HECTD4: variants seen among roughly 807,000 people sequenced by gnomAD.
HECTD4 encodes the protein probable E3 ubiquitin-protein ligase HECTD4.
In HECTD4, 114 loss-of-function variants were observed where a neutral mutation model predicts 471.5. That is an observed-to-expected ratio of 0.24 (90% CI 0.21 to 0.28). The LOEUF is 0.28. Ranked by LOEUF, HECTD4 falls within the 10% of genes least tolerant of loss-of-function variation. The pLI, the probability that HECTD4 is intolerant of heterozygous loss-of-function variation, is 1.00. For synonymous variants in HECTD4, 2,012 were observed against 2,256.0 expected, an observed-to-expected ratio of 0.89 and a Z score of 3.07; for missense variants, 3,866 against 5,651.5, an observed-to-expected ratio of 0.68 and a Z score of 10.13.
intron 16 of HECTD4, 36 bp from the exon 17 acceptor site, chr12:112,264,248 T>C: frequency 6.7e-7 from 1 of 1,481,726 alleles, no homozygotes; most frequent in Non-Finnish European, 9.0e-7. Context: ...ATGATCTAAA[T>C]CCTACTGAAA....
At chr12:112,251,587 G>A (rs2033889196) in intron 23 of HECTD4, among the ~76,000 whole-genome samples, 1 of 152,202 alleles carries the variant, frequency 6.6e-6, no homozygotes, top group Admixed American at 6.5e-5. Context: ...CTAGGTGCCT[G>A]AGATACATCA....
In HECTD4 at chr12:112,190,877, C is replaced by A; in HGVS notation, c.9381G>T (p.Leu3127=). The change falls in exon 60 of 76, where the codon CTG becomes CTT. Residue 3127 remains leucine, a synonymous_variant. Coordinates refer to ENST00000682272, the MANE Select transcript of HECTD4 (RefSeq NM_001388303.1). ...CTTCACTGTCCTCTGATTTCCAGGA[C>A]AGCAGCTGCTCTGCGAAGGCCATAG... ...PLAMAFAEQL[L]SWKSEDSEGK... is the part of the protein sequence containing the mutation. 1 of 1,579,596 alleles carries A rather than the reference C, an allele frequency of 6.3e-7. No homozygotes were observed. Among genetic ancestry groups the A allele is most frequent in the Non-Finnish European group, 8.6e-7 (1 of 1,162,874 alleles).
chr12:112,194,936 G>A lies in HECTD4; in HGVS notation c.8698C>T (p.Leu2900=). The change falls in exon 56 of 76, where the codon CTG becomes TTG. Residue 2900 remains leucine (L), a synonymous_variant. Coordinates refer to ENST00000682272, the MANE Select transcript of HECTD4 (RefSeq NM_001388303.1). This position sits in a 1 kb window ranked among gnomAD's most constrained non-coding sequence, Gnocchi z 4.6. The part of the protein sequence containing the change: ...FHIPAIRDIT[L]EHLQLLSNQL... ...TTGGACAGCAGTTGCAGGTGCTCCAGGGTAATGTCCCGGATGGCAGGGATG... is the reference window on the plus strand; with the variant it reads ...TTGGACAGCAGTTGCAGGTGCTCCAAGGTAATGTCCCGGATGGCAGGGATG... 6.2e-7 allele frequency: 1 copy of A among 1,609,960 alleles called. No individual in the cohort carries two copies. Among genetic ancestry groups the A allele is most frequent in the Non-Finnish European group, 8.5e-7 (1 of 1,178,270 alleles).
rs1265671897 is a variant in HECTD4, at chr12:112,188,941, G to A, written c.9472+1845C>T. On this transcript the variant is annotated intron_variant, in intron 60 of 75. Transcript: ENST00000682272. The surrounding 1 kb of genome is among the most constrained non-coding windows in gnomAD (Gnocchi z 4.2). ...CATTCATGTAAGACGACCTTGGAGAGAATTCTTCACCAAAATTGCACATGA... is the reference window on the plus strand; with the variant it reads ...CATTCATGTAAGACGACCTTGGAGAAAATTCTTCACCAAAATTGCACATGA... Among the ~76,000 whole-genome samples the A allele has an allele frequency of 6.6e-6, 1 of 152,218 alleles. No individual in the cohort carries two copies. Among genetic ancestry groups the A allele is most frequent in the African/African-American group, 2.4e-5 (1 of 41,454 alleles).
intron 11 of HECTD4, 141 bp from the exon 12 acceptor site, chr12:112,270,600 C>T (rs1244616286): frequency 1.7e-5 from 12 of 702,090 alleles, no homozygotes; most frequent in South Asian, 3.6e-5. Flanking sequence ...TGCCAGAGAA[C>T]GCTTCTCCCT....
intron 9 of HECTD4, 112 bp from the exon 10 acceptor site, chr12:112,275,072 T>C: frequency 1.5e-6 from 1 of 652,506 alleles, no homozygotes; most frequent in Non-Finnish European, 2.6e-6. Flanking sequence ...CTTGTTGTTG[T>C]GTATTGGTGG....
At position 112,217,128 on chromosome 12, in the gene HECTD4, T is replaced by C; in HGVS notation, c.7142A>G (p.His2381Arg). ...AGCCAGGAAGGTGACTGAGGTAAGG[T>C]GAGATGAGAACATGCAGGCTCGAAC... The part of the protein sequence containing the change: ...PPVRACMFSS[H>R]LTSVTFLADP... Residue 2381 changes from histidine (H) to arginine (R), a missense_variant, in exon 46 of 76, where the codon CAC becomes CGC. By Grantham distance (29) the His-to-Arg change is conservative. Transcript: ENST00000682272. 4 of 1,590,850 alleles carry C rather than the reference T, an allele frequency of 2.5e-6. No individual in the cohort carries two copies. Among genetic ancestry groups the C allele is most frequent in the Non-Finnish European group, 3.4e-6 (4 of 1,168,774 alleles).
intron 1 of HECTD4, among the ~76,000 whole-genome samples, chr12:112,336,499 G>A (rs2035961188): frequency 6.6e-6 from 1 of 151,332 alleles, no homozygotes; most frequent in Non-Finnish European, 1.5e-5. Context: ...CTCCAACCTG[G>A]GCAACAGAGC....
At chr12:112,366,984 G>A (rs774882788) in intron 1 of HECTD4, among the ~76,000 whole-genome samples, 3 of 149,926 alleles carry the variant, frequency 2.0e-5, no homozygotes, top group Non-Finnish European at 3.0e-5. Flanking sequence ...ACTTGGGTTT[G>A]TTGACTGCCT....
At chr12:112,343,409 G>C (rs1299356194) in intron 1 of HECTD4, among the ~76,000 whole-genome samples, 1 of 152,184 alleles carries the variant, frequency 6.6e-6, no homozygotes, top group African/African-American at 2.4e-5. Flanking sequence ...GTACAAAGCA[G>C]TAATATGCAC....
intron 39 of HECTD4, 147 bp from the exon 40 acceptor site, chr12:112,230,969 A>C: frequency 1.5e-6 from 1 of 685,536 alleles, no homozygotes; most frequent in Non-Finnish European, 2.4e-6. Flanking sequence ...AAGAAGCTAC[A>C]TTATCATTAG....
chr12:112,364,316 AG>A (rs1441110738), intron 1 of HECTD4, among the ~76,000 whole-genome samples: 1 of 151,628 alleles, frequency 6.6e-6, no homozygotes, highest in Non-Finnish European at 1.5e-5. Flanking sequence ...CTGAGGCAGG[AG>A]AATCACTTGA....
At chr12:112,330,859 TAAGAACCTTTTAATTAGATG>T (rs1356263354) in intron 1 of HECTD4, among the ~76,000 whole-genome samples, 2 of 152,182 alleles carry the variant, frequency 1.3e-5, no homozygotes, top group East Asian at 3.8e-4. Context: ...CTCTTCCACA[TAAGAACCTTTTAATTAGATG>T]AAGAAAATAC....
rs760782377 is a variant in HECTD4, at chr12:112,259,157, A to G, written c.2982T>C (p.Asp994=). The part of the protein sequence containing the change: ...HPNLQTLIMA[D]ALMPQLVQLV... ...GCTGCACTAGCTGAGGCATCAGGGCATCCGCCATGATCAGAGTCTGTAAAT... is the reference window on the plus strand; with the variant it reads ...GCTGCACTAGCTGAGGCATCAGGGCGTCCGCCATGATCAGAGTCTGTAAAT... The change falls in exon 19 of 76, where the codon GAT becomes GAC. Residue 994 remains aspartate, a synonymous_variant. Coordinates refer to ENST00000682272, the MANE Select transcript of HECTD4 (RefSeq NM_001388303.1). The G allele has an allele frequency of 8.7e-6, 14 of 1,613,878 alleles. No homozygotes were observed. Among genetic ancestry groups the G allele is most frequent in the Non-Finnish European group, 1.2e-5 (14 of 1,179,798 alleles).
In HECTD4 at chr12:112,228,716, A is replaced by G. The variant is rs764013940; in HGVS notation, c.6615T>C (p.Cys2205=). 5.0e-6 allele frequency: 8 copies of G among 1,613,672 alleles called. No individual in the cohort carries two copies. The highest frequency in any genetic ancestry group is 6.8e-6 in the Non-Finnish European group (8 of 1,179,768). Residue 2205 remains cysteine, a synonymous_variant, in exon 42 of 76, where the codon TGT becomes TGC. Coordinates refer to ENST00000682272, the MANE Select transcript of HECTD4 (RefSeq NM_001388303.1). This position sits in a 1 kb window ranked among gnomAD's most constrained non-coding sequence, Gnocchi z 4.9. ...IATVRFPPID[C]RKTSQASDTL... is the part of the protein sequence containing the mutation. Reference sequence around the variant, plus strand: ...TGTCTGACGCTTGCGAAGTCTTTCTACAGTCTATGGGTGGGAATCTGACTG... The same window carrying G: ...TGTCTGACGCTTGCGAAGTCTTTCTGCAGTCTATGGGTGGGAATCTGACTG...
In HECTD4 at chr12:112,163,646, C is replaced by T. The variant is rs1474065479; in HGVS notation, c.12793G>A (p.Gly4265Ser). 3.2e-6 allele frequency: 5 copies of T among 1,540,666 alleles called. No individual in the cohort carries two copies. The highest frequency in any genetic ancestry group is 2.5e-5 in the East Asian group (1 of 40,502). The change falls in exon 74 of 76, where the codon GGC (glycine) becomes AGC (serine). Residue 4265 changes from glycine to serine, a missense_variant. Physicochemically the swap from Gly to Ser is moderately conservative, Grantham distance 56. Coordinates refer to ENST00000682272, the MANE Select transcript of HECTD4 (RefSeq NM_001388303.1). This position sits in a 1 kb window ranked among gnomAD's most constrained non-coding sequence, Gnocchi z 8.2. ...TGCAGGGGGATGATGGAGCCCAGGC[C>T]GGCCCGCACGGCCGTCACGCACTCC... is the stretch of plus-strand genomic sequence containing the variant. ...NVECVTAVRA[G>S]LGSIIPLQLL...
Position 112,179,346 on chromosome 12 carries a change from C to T in HECTD4, c.11039G>A (p.Ser3680Asn), listed in dbSNP as rs2031577967. The change falls in exon 63 of 76, where the codon AGT (serine) becomes AAT (asparagine). Residue 3680 changes from serine to asparagine, a missense_variant. Physicochemically the swap from Ser to Asn is conservative, Grantham distance 46. Around this residue, in one of 16 missense-constraint regions of HECTD4, gnomAD observed 715 missense variants for 1,087.6 expected, o/e 0.66. Coordinates refer to ENST00000682272, the MANE Select transcript of HECTD4 (RefSeq NM_001388303.1). This position sits in a 1 kb window ranked among gnomAD's most constrained non-coding sequence, Gnocchi z 4.3. ...AREVLTEIFKSCAHSEQTLSL... is the reference protein window; with the variant it reads ...AREVLTEIFKNCAHSEQTLSL... ...CAGCGTCTGCTCTGAATGGGCACAA[C>T]TCTTAAATATCTCCGTCAGAACCTC... 1 of 1,613,238 alleles carries T rather than the reference C, an allele frequency of 6.2e-7. No homozygotes were observed.
intron 11 of HECTD4, among the ~76,000 whole-genome samples, chr12:112,272,950 T>C (rs1448462041): frequency 6.6e-6 from 1 of 152,170 alleles, no homozygotes; most frequent in African/African-American, 2.4e-5. Flanking sequence ...GTGGTCAGCA[T>C]AGTAATTCTC....
At chr12:112,300,569 C>A (rs954445230) in intron 7 of HECTD4, among the ~76,000 whole-genome samples, 3 of 152,152 alleles carry the variant, frequency 2.0e-5, no homozygotes, top group African/African-American at 7.2e-5. Context: ...CAGATACCAA[C>A]GTCCTTCAGT....
Sources: gnomAD v4.1 joint callset for allele counts (sites outside exome capture counted in the v4.1 genomes callset) on GRCh38, gnomAD v4.1.1 for gene constraint, gnomAD v4.1.1 regional missense constraint, Gnocchi (gnomAD v3.1) non-coding constraint, MANE v1.5 for transcripts, NCBI Gene and HGNC (gene_info 2026-07-23, HGNC 2026-07-21) for gene names.